The following NRXN1 variants were observed in gnomAD, a reference collection of about 807,000 sequenced individuals.
NRXN1 encodes the protein neurexin 1.
In NRXN1, 39 loss-of-function variants were observed where a neutral mutation model predicts 150.9. The ratio of observed to expected loss-of-function variants is 0.26; its 90% CI spans 0.20 to 0.34. The LOEUF is 0.34. Ranked by LOEUF, NRXN1 falls within the 10% of genes least tolerant of loss-of-function variation. The pLI, the probability that NRXN1 is intolerant of heterozygous loss-of-function variation, is 1.00. For synonymous variants in NRXN1, 924 were observed against 757.0 expected, an observed-to-expected ratio of 1.22 and a Z score of -3.62; for missense variants, 1,815 against 1,949.9, an observed-to-expected ratio of 0.93 and a Z score of 1.30.
intron 5 of NRXN1, chr2:50,829,480 T>A (rs1404386402): frequency 5.1e-6 from 8 of 1,579,496 alleles, no homozygotes; most frequent in Non-Finnish European, 6.1e-6. Flanking sequence ...AGGGAGCCTA[T>A]AATAATGAGA....
chr2:49,963,321 G>T (rs1001005540), intron 21 of NRXN1, among the ~76,000 whole-genome samples: 10 of 152,246 alleles, frequency 6.6e-5, no homozygotes, highest in African/African-American at 2.2e-4. Flanking sequence ...GACAGGAATG[G>T]GGCAGAAAAA....
chr2:50,055,428 G>A (rs1466227809), intron 19 of NRXN1, among the ~76,000 whole-genome samples: 1 of 152,108 alleles, frequency 6.6e-6, no homozygotes, highest in East Asian at 1.9e-4. Flanking sequence ...ACAGGTTTAA[G>A]TTTTCAAAAT....
intron 5 of NRXN1, among the ~76,000 whole-genome samples, chr2:50,794,758 T>C (rs913238638): frequency 2.3e-4 from 35 of 152,274 alleles, no homozygotes; most frequent in Admixed American, 6.5e-4. Flanking sequence ...ATATATTATC[T>C]CTATATAATT....
At chr2:50,312,164 T>C (rs371218662) in intron 17 of NRXN1, among the ~76,000 whole-genome samples, 2 of 152,180 alleles carry the variant, frequency 1.3e-5, no homozygotes, top group Admixed American at 6.6e-5. Flanking sequence ...AGACTCCTAA[T>C]AGATTTACCC....
intron 22 of NRXN1, among the ~76,000 whole-genome samples, chr2:49,937,988 T>G (rs1435883642): frequency 6.6e-6 from 1 of 152,198 alleles, no homozygotes; most frequent in East Asian, 1.9e-4. Flanking sequence ...TAGAAATCCC[T>G]TGACCTTTTC....
intron 5 of NRXN1, among the ~76,000 whole-genome samples, chr2:50,715,529 T>C (rs1011743689): frequency 6.6e-6 from 1 of 152,226 alleles, no homozygotes; most frequent in African/African-American, 2.4e-5. Context: ...CTCATAAATA[T>C]GCCGTCTATT....
chr2:50,075,056 A>G (rs1327014894), intron 19 of NRXN1, among the ~76,000 whole-genome samples: 1 of 152,232 alleles, frequency 6.6e-6, no homozygotes, highest in Non-Finnish European at 1.5e-5. Flanking sequence ...AATTGAGAAC[A>G]CTGTAGTCAG....
chr2:50,436,875 T>C (rs2085492435), intron 17 of NRXN1, among the ~76,000 whole-genome samples: 1 of 152,194 alleles, frequency 6.6e-6, no homozygotes, highest in Non-Finnish European at 1.5e-5. Context: ...ATCTCAAAAC[T>C]AGGATAAAGA....
chr2:50,609,695 A>C (rs1677716731), intron 8 of NRXN1, among the ~76,000 whole-genome samples: 2 of 152,032 alleles, frequency 1.3e-5, no homozygotes, highest in South Asian at 4.1e-4. Flanking sequence ...GTTATCTATA[A>C]AAAGTTATTG....
intron 21 of NRXN1, among the ~76,000 whole-genome samples, chr2:50,021,698 TAAA>T (rs1006534569): frequency 2.6e-5 from 4 of 152,184 alleles, no homozygotes; most frequent in African/African-American, 9.7e-5. Flanking sequence ...ATTCAGTAAT[TAAA>T]AACATTTTGA....
intron 18 of NRXN1, among the ~76,000 whole-genome samples, chr2:50,147,860 C>T (rs189735646): frequency 6.6e-5 from 10 of 151,804 alleles, no homozygotes; most frequent in Admixed American, 6.6e-4. Flanking sequence ...AGTTTTCAGA[C>T]TATATTGCTG....
chr2:50,998,906 T>C (rs991333753), intron 2 of NRXN1, among the ~76,000 whole-genome samples: 18 of 152,064 alleles, frequency 1.2e-4, no homozygotes, highest in South Asian at 2.1e-4. Context: ...TAGCCCAATG[T>C]CAGATACAGT....
chr2:50,994,102 T>A (rs1052055475), intron 2 of NRXN1, among the ~76,000 whole-genome samples: 1 of 152,000 alleles, frequency 6.6e-6, no homozygotes, highest in Non-Finnish European at 1.5e-5. Flanking sequence ...TCTTTCAAGA[T>A]AGGGATTGTC....
At chr2:50,979,313 G>A (rs1323980262) in intron 2 of NRXN1, 2 of 515,200 alleles carry the variant, frequency 3.9e-6, no homozygotes, top group Non-Finnish European at 7.7e-6. Flanking sequence ...CATGGACAAT[G>A]TGACAGCAAT....
intron 5 of NRXN1, chr2:50,656,443 A>G (rs1210354732): frequency 1.2e-5 from 9 of 762,588 alleles, no homozygotes; most frequent in Non-Finnish European, 2.2e-5. Flanking sequence ...AGAAGTATCA[A>G]GTTTCTAGAT....
chr2:50,932,066 G>A (rs1309872383), intron 2 of NRXN1, among the ~76,000 whole-genome samples: 1 of 151,986 alleles, frequency 6.6e-6, no homozygotes, highest in African/African-American at 2.4e-5. Context: ...ATTTCACCAT[G>A]TTGGCCAGGT....
rs35301086 is a variant in NRXN1 at position 50,479,767 on chromosome 2, CTTTTTTTTTT to C, written c.3071-7306_3071-7297del. Reference sequence around the variant, plus strand: ...TTCATCTACTAATCCATTTCTTTTTCTTTTTTTTTTTTTTTTTTTTTTTTGAGATGGAGTC... The same window carrying C: ...TTCATCTACTAATCCATTTCTTTTTCTTTTTTTTTTTTTTGAGATGGAGTC... On this transcript the variant is annotated intron_variant, in intron 15 of 22. Coordinates refer to ENST00000401669, the MANE Select transcript of NRXN1 (RefSeq NM_001330078.2). Among the ~76,000 whole-genome samples the C allele has an allele frequency of 2.5e-3, 203 of 79,864 alleles. 1 individual carries two copies. Among genetic ancestry groups the C allele is most frequent in the Middle Eastern group, 0.017 (1 of 58 alleles). The allele number at this position is 79,864 out of a possible 152,430, so 52.4% of individuals were successfully genotyped here.
chr2:50,286,567 T>A (rs1286812593), intron 17 of NRXN1, among the ~76,000 whole-genome samples: 3 of 152,098 alleles, frequency 2.0e-5, no homozygotes, highest in Non-Finnish European at 4.4e-5. Flanking sequence ...AGCAGTTAAC[T>A]AGCAAAAGCA....
chr2:49,937,820 A>G (rs1273783572), intron 22 of NRXN1, among the ~76,000 whole-genome samples: 5 of 149,984 alleles, frequency 3.3e-5, no homozygotes, highest in Admixed American at 2.7e-4. Context: ...AATAACACAC[A>G]TTTAAATGTA....
Sources: gnomAD v4.1 joint callset for allele counts (sites outside exome capture counted in the v4.1 genomes callset) on GRCh38, gnomAD v4.1.1 for gene constraint, MANE v1.5 for transcripts, NCBI Gene and HGNC (gene_info 2026-07-23, HGNC 2026-07-21) for gene names.